The following EHD4 variants were observed in gnomAD, a reference collection of about 807,000 sequenced individuals.
EHD4 encodes the protein EH domain-containing protein 4.
In EHD4, 37 loss-of-function variants were observed where a neutral mutation model predicts 51.0. That is an observed-to-expected ratio of 0.73 (90% CI 0.56 to 0.95). The LOEUF (loss-of-function observed/expected upper bound fraction) is 0.95. EHD4 is among the 40% of genes least tolerant of loss of function. The pLI is 0.00. For synonymous variants in EHD4, 297 were observed against 317.3 expected (o/e 0.94, Z 0.68); for missense variants, 632 against 733.1 (o/e 0.86, Z 1.59).
At chr15:41,923,241 C>A (rs545740487) in intron 3 of EHD4, among the ~76,000 whole-genome samples, 1 of 152,236 alleles carries the variant, frequency 6.6e-6, no homozygotes, top group African/African-American at 2.4e-5. Context: ...GAGAAGTGTC[C>A]TTTTGTGCCC....
At chr15:41,972,235 C>A (rs2068001992) in intron 1 of EHD4, 24 bp downstream of exon 1, 2 of 1,514,764 alleles carry the variant, frequency 1.3e-6, no homozygotes, top group South Asian at 2.5e-5. Context: ...GGGGCGGGAG[C>A]CGGGCGAGGG....
chr15:41,940,504 C>T (rs2067762436), intron 3 of EHD4, among the ~76,000 whole-genome samples: 1 of 152,194 alleles, frequency 6.6e-6, no homozygotes, highest in Admixed American at 6.5e-5. Context: ...CTTCCACCAC[C>T]AGCTGCGCCC....
intron 1 of EHD4, among the ~76,000 whole-genome samples, chr15:41,960,593 C>T (rs563997513): frequency 1.0e-3 from 158 of 151,962 alleles, no homozygotes; most frequent in African/African-American, 3.6e-3. Flanking sequence ...ATAAACATCC[C>T]TGAACAAACA....
chr15:41,930,173 A>G (rs1449407659), intron 3 of EHD4, among the ~76,000 whole-genome samples: 2 of 152,218 alleles, frequency 1.3e-5, no homozygotes, highest in Non-Finnish European at 2.9e-5. Flanking sequence ...ACTTCCAAGG[A>G]TGCTTAAGAA....
At chr15:41,922,913 C>T (rs766462213) in intron 3 of EHD4, among the ~76,000 whole-genome samples, 9 of 152,084 alleles carry the variant, frequency 5.9e-5, no homozygotes, top group East Asian at 1.9e-4. Context: ...TGTAAGAGGA[C>T]GGTCTGTCAC....
intron 3 of EHD4, chr15:41,921,731 A>G (rs978075240): frequency 6.6e-6 from 1 of 152,254 alleles, no homozygotes; most frequent in Non-Finnish European, 1.5e-5. Flanking sequence ...CGCTGTGCAC[A>G]TGGAGTGAAT....
chr15:41,915,220 T>G (rs1295644349), intron 4 of EHD4, among the ~76,000 whole-genome samples: 2 of 152,202 alleles, frequency 1.3e-5, no homozygotes, highest in Non-Finnish European at 2.9e-5. Context: ...GTTATTAGCC[T>G]AGAGAAAAAC....
chr15:41,915,740 G>C (rs556479229), intron 4 of EHD4, among the ~76,000 whole-genome samples: 1 of 152,236 alleles, frequency 6.6e-6, no homozygotes, highest in Admixed American at 6.5e-5. Context: ...TCCCAAAACA[G>C]CTTCCTTTAA....
At chr15:41,948,698 T>C (rs2067831652) in intron 2 of EHD4, among the ~76,000 whole-genome samples, 1 of 152,124 alleles carries the variant, frequency 6.6e-6, no homozygotes, top group East Asian at 1.9e-4. Context: ...GTAAGTCAGT[T>C]TTTAAAAATT....
chr15:41,904,405 A>G (rs1355615525), intron 5 of EHD4, among the ~76,000 whole-genome samples: 1 of 151,972 alleles, frequency 6.6e-6, no homozygotes, highest in East Asian at 1.9e-4. Context: ...CAGTTAAACC[A>G]TCATCATGTC....
intron 5 of EHD4, among the ~76,000 whole-genome samples, chr15:41,904,459 C>T (rs2067499753): frequency 6.6e-6 from 1 of 152,164 alleles, no homozygotes; most frequent in African/African-American, 2.4e-5. Flanking sequence ...CTGCCCTCTG[C>T]CACGGTGAGT....
At chr15:41,960,721 T>A (rs1384985989) in intron 1 of EHD4, among the ~76,000 whole-genome samples, 1 of 150,098 alleles carries the variant, frequency 6.7e-6, no homozygotes, top group African/African-American at 2.5e-5. Flanking sequence ...TCACCCAGGC[T>A]GGAGTGCAGT....
chr15:41,900,573 T>C lies in EHD4; in HGVS notation c.*72A>G. 2.8e-6 allele frequency: 4 copies of C among 1,444,446 alleles called. No homozygotes were observed. In the South Asian group the frequency reaches 4.1e-5, roughly 15 times the overall value. The allele number at this position is 1,444,446 out of a possible 1,614,324, so 89.5% of individuals were successfully genotyped here. A position where few individuals can be genotyped will look rare whatever the true frequency, so the allele number is the denominator to read the frequency against. ...AGGGCAGTGCCTTGCCCAAGGTCAT[T>C]CGGTGAGTCAGTGGTGGAGCAGGCC... On this transcript the variant is annotated 3_prime_UTR_variant, in exon 6 of 6. Transcript: ENST00000220325. This position sits in a 1 kb window ranked among gnomAD's most constrained non-coding sequence, Gnocchi z 4.8.
At position 41,898,107 on chromosome 15, in the gene EHD4, G is replaced by A. The variant is rs1405860216; in HGVS notation, c.*2538C>T. The A allele has an allele frequency of 6.6e-6, 1 of 152,230 alleles. No individual in the cohort carries two copies. The highest frequency in any genetic ancestry group is 1.5e-5 in the Non-Finnish European group (1 of 68,040). 9.4% of individuals were successfully genotyped at this position (152,230 alleles called of 1,614,324 possible). A position where few individuals can be genotyped will look rare whatever the true frequency, so the allele number is the denominator to read the frequency against. ...AACTTTTCTTGATGAATGACTGCAT[G>A]TAAGAGGATATTAAGAAAAGTGGCC... On this transcript the variant is annotated 3_prime_UTR_variant, in exon 6 of 6. Coordinates refer to ENST00000220325, the MANE Select transcript of EHD4 (RefSeq NM_139265.4).
chr15:41,910,616 C>A (rs1252997042), intron 4 of EHD4, among the ~76,000 whole-genome samples: 1 of 152,244 alleles, frequency 6.6e-6, no homozygotes, highest in Non-Finnish European at 1.5e-5. Flanking sequence ...GTTGCCCAGG[C>A]TGGAGTGGAA....
chr15:41,954,067 A>C, intron 1 of EHD4, 127 bp from the exon 2 acceptor site: 1 of 1,010,688 alleles, frequency 9.9e-7, no homozygotes, highest in South Asian at 1.5e-5. Flanking sequence ...CCCCAAGAAA[A>C]GCACGCAATC....
chr15:41,904,001 A>G (rs549754141), intron 5 of EHD4, among the ~76,000 whole-genome samples: 1 of 152,082 alleles, frequency 6.6e-6, no homozygotes, highest in South Asian at 2.1e-4. Flanking sequence ...CAATGGGCCA[A>G]GGAGATGGAA....
rs2068006708 is a variant in EHD4 at position 41,972,542 on chromosome 15, C to A, written c.-48G>T. 4.2e-6 allele frequency: 6 copies of A among 1,428,118 alleles called. No homozygotes were observed. The highest frequency in any genetic ancestry group is 5.5e-6 in the Non-Finnish European group (6 of 1,096,956). 88.5% of individuals were successfully genotyped at this position (1,428,118 alleles called of 1,614,324 possible). A position where few individuals can be genotyped will look rare whatever the true frequency, so the allele number is the denominator to read the frequency against. Reference sequence around the variant, plus strand: ...ATGGGACCCTGCTCCGGGTTCGACTCTCCCCGGCTCGCACTGAGCCGCCCC... The same window carrying A: ...ATGGGACCCTGCTCCGGGTTCGACTATCCCCGGCTCGCACTGAGCCGCCCC... On this transcript the variant is annotated 5_prime_UTR_variant, in exon 1 of 6. Coordinates refer to ENST00000220325, the MANE Select transcript of EHD4 (RefSeq NM_139265.4).
At chr15:41,913,590 A>AT (rs1322133665) in intron 4 of EHD4, among the ~76,000 whole-genome samples, 1 of 152,232 alleles carries the variant, frequency 6.6e-6, no homozygotes, top group Non-Finnish European at 1.5e-5. Context: ...AAAAGAGGTC[A>AT]TGTATTTGAA....
Sources: allele counts gnomAD v4.1 joint callset (sites outside exome capture counted in the v4.1 genomes callset), GRCh38; gene constraint gnomAD v4.1.1; non-coding constraint Gnocchi (gnomAD v3.1); transcripts MANE v1.5; gene names NCBI Gene and HGNC (gene_info 2026-07-23, HGNC 2026-07-21).